ZNF438: variants seen among roughly 807,000 people sequenced by gnomAD.
ZNF438 encodes the protein zinc finger protein 438.
In ZNF438, 25 loss-of-function variants were observed where a neutral mutation model predicts 38.0. That is an observed-to-expected ratio of 0.66 (90% CI 0.48 to 0.92). The LOEUF (loss-of-function observed/expected upper bound fraction) is 0.92. ZNF438 is among the 40% of genes least tolerant of loss of function. ZNF438 has a pLI of 0.00. For synonymous variants in ZNF438, 372 were observed against 364.1 expected (o/e 1.02, Z -0.25); for missense variants, 1,007 against 999.6 (o/e 1.01, Z -0.10).
At chr10:30,914,769 A>G (rs1304429464) in intron 2 of ZNF438, among the ~76,000 whole-genome samples, 2 of 152,034 alleles carry the variant, frequency 1.3e-5, no homozygotes, top group Admixed American at 1.3e-4. Flanking sequence ...CCCATGAAGA[A>G]AGGGAGATTT....
chr10:31,026,732 C>T (rs1423975415), intron 1 of ZNF438, among the ~76,000 whole-genome samples: 1 of 152,056 alleles, frequency 6.6e-6, no homozygotes, highest in Non-Finnish European at 1.5e-5. Flanking sequence ...CCAGCCATCC[C>T]ATGACTGGGT....
chr10:30,911,098 T>TA (rs1158451002), intron 2 of ZNF438, among the ~76,000 whole-genome samples: 2 of 152,078 alleles, frequency 1.3e-5, no homozygotes, highest in Non-Finnish European at 2.9e-5. Flanking sequence ...CTTGGCACAT[T>TA]AAAAAAATGG....
chr10:30,922,677 T>C (rs959664461), intron 2 of ZNF438, among the ~76,000 whole-genome samples: 3 of 151,726 alleles, frequency 2.0e-5, no homozygotes, highest in Non-Finnish European at 2.9e-5. Flanking sequence ...CTAGTAAAAA[T>C]ACAAAAAATT....
chr10:30,867,649 T>A (rs758184819), intron 4 of ZNF438, among the ~76,000 whole-genome samples: 3 of 152,192 alleles, frequency 2.0e-5, no homozygotes, highest in Non-Finnish European at 2.9e-5. Flanking sequence ...TATAATTGTG[T>A]GTGTTGATGA....
chr10:30,985,363 T>G (rs934784965), intron 1 of ZNF438, among the ~76,000 whole-genome samples: 1 of 152,196 alleles, frequency 6.6e-6, no homozygotes, highest in Non-Finnish European at 1.5e-5. Flanking sequence ...TTCATCTAGA[T>G]CCAATGACTT....
exon 6 of ZNF438, chr10:30,845,214 C>A: frequency 6.2e-7 from 1 of 1,614,138 alleles, no homozygotes; most frequent in Non-Finnish European, 8.5e-7. Context: ...TGACTGGGGT[C>A]CTTCATTTTC....
chr10:30,926,367 T>C (rs2044914865), intron 2 of ZNF438, among the ~76,000 whole-genome samples: 1 of 152,086 alleles, frequency 6.6e-6, no homozygotes, highest in Non-Finnish European at 1.5e-5. Flanking sequence ...AGATGAACAA[T>C]ATTAGAATAA....
At chr10:30,883,610 C>G (rs112281006) in intron 3 of ZNF438, among the ~76,000 whole-genome samples, 9,818 of 152,130 alleles carry the variant, frequency 0.065, 1,002 homozygotes, top group African/African-American at 0.22. Flanking sequence ...GTGGCTCACG[C>G]CTGTAATCCC....
At chr10:30,879,878 A>T (rs7076280) in intron 3 of ZNF438, among the ~76,000 whole-genome samples, 113 of 151,858 alleles carry the variant, frequency 7.4e-4, no homozygotes, top group African/African-American at 2.7e-3. Flanking sequence ...TGAAGAGGGG[A>T]GAGATGGAAG....
intron 1 of ZNF438, among the ~76,000 whole-genome samples, chr10:30,995,259 G>A (rs111967968): frequency 4.8e-4 from 73 of 152,212 alleles, no homozygotes; most frequent in African/African-American, 1.7e-3. Context: ...AGCAGCAAGA[G>A]CAAAATGACC....
intron 1 of ZNF438, among the ~76,000 whole-genome samples, chr10:30,990,993 A>C (rs941312127): frequency 3.3e-5 from 5 of 152,220 alleles, no homozygotes; most frequent in Non-Finnish European, 7.3e-5. Flanking sequence ...CTTAAACTGG[A>C]AATTGTTTGA....
intron 2 of ZNF438, among the ~76,000 whole-genome samples, chr10:30,915,190 A>G (rs1004761822): frequency 6.6e-6 from 1 of 152,060 alleles, no homozygotes; most frequent in Admixed American, 6.6e-5. Flanking sequence ...TTTGTGCCCT[A>G]TGAAGTTTAA....
At chr10:30,936,721 T>C (rs1459177396) in intron 2 of ZNF438, among the ~76,000 whole-genome samples, 2 of 152,064 alleles carry the variant, frequency 1.3e-5, no homozygotes, top group Admixed American at 1.3e-4. Context: ...AAAACAACAA[T>C]AAACGTATTG....
At chr10:30,922,635 A>G (rs1434170994) in intron 2 of ZNF438, among the ~76,000 whole-genome samples, 4 of 152,108 alleles carry the variant, frequency 2.6e-5, no homozygotes, top group Admixed American at 6.5e-5. Context: ...GGAGTTTGGG[A>G]CCAGCCTGGA....
At position 30,853,056 on chromosome 10, in the gene ZNF438, T is replaced by C. The variant is rs374272510; in HGVS notation, c.38-2689A>G. 1.2e-4 allele frequency among the ~76,000 whole-genome samples: 18 copies of C among 152,342 alleles called. No individual in the cohort carries two copies. The East Asian group carries it at 3.3e-3, about 28-fold the overall frequency. ...AGACTTTGCAGAAAGCCTAAAATTA[T>C]TGATGGCTTTTGGTTACTTAGAGAT... On this transcript the variant is annotated intron_variant, in intron 4 of 5. Coordinates refer to ENST00000413025, the Ensembl canonical transcript of ZNF438.
At chr10:30,926,196 GGTA>G (rs2044893775) in intron 2 of ZNF438, among the ~76,000 whole-genome samples, 1 of 152,144 alleles carries the variant, frequency 6.6e-6, no homozygotes, top group South Asian at 2.1e-4. Flanking sequence ...TCATATTTTG[GGTA>G]GTAGTTACAC....
At chr10:30,849,358 T>C (rs1255622773) in exon 5 of ZNF438, 1 of 1,614,244 alleles carries the variant, frequency 6.2e-7, no homozygotes, top group Non-Finnish European at 8.5e-7. Context: ...GTGACACTTG[T>C]GGAACAGGTA....
intron 1 of ZNF438, among the ~76,000 whole-genome samples, chr10:31,011,077 A>G (rs916254966): frequency 3.3e-5 from 5 of 152,162 alleles, no homozygotes; most frequent in Non-Finnish European, 5.9e-5. Flanking sequence ...GAGTGCCCTC[A>G]GCACACCACT....
At chr10:30,859,321 A>G (rs933747572) in intron 4 of ZNF438, among the ~76,000 whole-genome samples, 1 of 152,050 alleles carries the variant, frequency 6.6e-6, no homozygotes, top group Non-Finnish European at 1.5e-5. Flanking sequence ...TAAGCAATCC[A>G]CCTGCCTCAG....
Sources: gnomAD v4.1 joint callset for allele counts (sites outside exome capture counted in the v4.1 genomes callset) on GRCh38, gnomAD v4.1.1 for gene constraint, MANE v1.5 for transcripts, NCBI Gene and HGNC (gene_info 2026-07-23, HGNC 2026-07-21) for gene names.